Variants in PID1 observed in about 807,000 individuals in gnomAD.
PID1 encodes phosphotyrosine interaction domain containing 1, also known as PTB-containing, cubilin and LRP1-interacting protein.
In PID1, 10 loss-of-function variants were observed where a neutral mutation model predicts 19.1. The ratio of observed to expected loss-of-function variants is 0.52; its 90% CI spans 0.32 to 0.89. The LOEUF is 0.89. PID1 is among the 40% of genes least tolerant of loss of function. The pLI, the probability that PID1 is intolerant of heterozygous loss-of-function variation, is 0.03. For missense variants in PID1, 248 were observed against 285.3 expected (o/e 0.87, Z 0.94); for synonymous variants, 130 against 116.0 (o/e 1.12, Z -0.78).
At chr2:229,142,419 A>G (rs1439781857) in intron 2 of PID1, among the ~76,000 whole-genome samples, 3 of 152,192 alleles carry the variant, frequency 2.0e-5, no homozygotes, top group Non-Finnish European at 4.4e-5. Flanking sequence ...TAAATTGATC[A>G]TAATGGAAAA....
chr2:229,100,707 C>A (rs1695057445), intron 2 of PID1, among the ~76,000 whole-genome samples: 1 of 152,144 alleles, frequency 6.6e-6, no homozygotes, highest in South Asian at 2.1e-4. Flanking sequence ...TCACTAAAAT[C>A]CCTTGTGCTC....
chr2:229,226,189 C>A (rs73998596), intron 1 of PID1, among the ~76,000 whole-genome samples: 5,333 of 152,252 alleles, frequency 0.035, 272 homozygotes, highest in African/African-American at 0.12. Context: ...GGTGAGCCAA[C>A]CCTTCAGGGT....
chr2:229,090,393 A>C (rs1392364804), intron 2 of PID1, among the ~76,000 whole-genome samples: 1 of 152,200 alleles, frequency 6.6e-6, no homozygotes, highest in Non-Finnish European at 1.5e-5. Flanking sequence ...CACTGATGAA[A>C]GTCATGGCAG....
chr2:229,216,735 C>T (rs138580100), intron 1 of PID1, among the ~76,000 whole-genome samples: 131 of 152,142 alleles, frequency 8.6e-4, no homozygotes, highest in African/African-American at 2.9e-3. Context: ...AAACCAAGAA[C>T]GTGGTATGCC....
chr2:229,189,365 G>A (rs1465322089), intron 1 of PID1, among the ~76,000 whole-genome samples: 2 of 152,182 alleles, frequency 1.3e-5, no homozygotes, highest in Non-Finnish European at 2.9e-5. Flanking sequence ...TGTCAAGCAT[G>A]GTGCTTGGCA....
intron 1 of PID1, among the ~76,000 whole-genome samples, chr2:229,209,669 C>A (rs1471685708): frequency 6.6e-6 from 1 of 152,194 alleles, no homozygotes. Flanking sequence ...ATTACTGCAA[C>A]CTAGCCTGGA....
At chr2:229,032,818 A>G (rs886234503) in intron 2 of PID1, among the ~76,000 whole-genome samples, 4 of 152,212 alleles carry the variant, frequency 2.6e-5, no homozygotes, top group African/African-American at 4.8e-5. Context: ...CAGTGTGTGT[A>G]AATGGACCTG....
At chr2:229,118,782 AAAAG>A (rs1695460077) in intron 2 of PID1, among the ~76,000 whole-genome samples, 1 of 152,196 alleles carries the variant, frequency 6.6e-6, no homozygotes, top group Admixed American at 6.5e-5. Flanking sequence ...AATCCTGCCT[AAAAG>A]GGCAGGATCT....
chr2:229,162,223 C>T (rs754202385), intron 1 of PID1, among the ~76,000 whole-genome samples: 11 of 152,182 alleles, frequency 7.2e-5, no homozygotes, highest in East Asian at 1.9e-4. Flanking sequence ...ATTATGCAGA[C>T]GGGGTAATCG....
chr2:229,204,671 C>T (rs560879983), intron 1 of PID1, among the ~76,000 whole-genome samples: 2 of 152,096 alleles, frequency 1.3e-5, no homozygotes, highest in South Asian at 2.1e-4. Context: ...TACTGTACAA[C>T]GGAATGATCA....
At chr2:229,177,604 A>C (rs1011738742) in intron 1 of PID1, among the ~76,000 whole-genome samples, 1 of 152,068 alleles carries the variant, frequency 6.6e-6, no homozygotes, top group Non-Finnish European at 1.5e-5. Flanking sequence ...TGAGTGACTT[A>C]TTTATTCATG....
At chr2:229,233,195 C>G (rs974251) in intron 1 of PID1, among the ~76,000 whole-genome samples, 79,076 of 151,936 alleles carry the variant, frequency 0.52, 21,225 homozygotes, top group African/African-American at 0.6. Context: ...GTTAAAATTG[C>G]CTTACGTCTT....
intron 2 of PID1, among the ~76,000 whole-genome samples, chr2:229,109,578 C>T (rs1695252721): frequency 6.6e-6 from 1 of 152,146 alleles, no homozygotes; most frequent in Non-Finnish European, 1.5e-5. Flanking sequence ...AGACCTCTGT[C>T]AATATAACCC....
chr2:229,070,829 C>A (rs1041545777), intron 2 of PID1, among the ~76,000 whole-genome samples: 1 of 152,216 alleles, frequency 6.6e-6, no homozygotes, highest in African/African-American at 2.4e-5. Context: ...GGAAAAAGCA[C>A]CAGGGCTTTC....
chr2:229,079,285 G>T (rs967261081), intron 2 of PID1, among the ~76,000 whole-genome samples: 2 of 152,104 alleles, frequency 1.3e-5, no homozygotes, highest in Non-Finnish European at 2.9e-5. Context: ...CTGCTATATG[G>T]TTTGTTTTAT....
intron 2 of PID1, among the ~76,000 whole-genome samples, chr2:229,120,038 T>C (rs1004587463): frequency 6.6e-6 from 1 of 152,194 alleles, no homozygotes; most frequent in Non-Finnish European, 1.5e-5. Flanking sequence ...CTCTTCTGGT[T>C]CTACAGGTCA....
chr2:229,268,821 G>A (rs1325176738), intron 1 of PID1, among the ~76,000 whole-genome samples: 4 of 151,834 alleles, frequency 2.6e-5, no homozygotes, highest in African/African-American at 9.7e-5. Flanking sequence ...CACGGTGAAA[G>A]GAAAAGAAAA....
chr2:229,047,665 C>T (rs1345243463), intron 2 of PID1, among the ~76,000 whole-genome samples: 1 of 152,100 alleles, frequency 6.6e-6, no homozygotes. Flanking sequence ...TCACAGTAGC[C>T]TTGGAAAATA....
chr2:229,269,760 T>C (rs1690686810), intron 1 of PID1, among the ~76,000 whole-genome samples: 1 of 152,178 alleles, frequency 6.6e-6, no homozygotes, highest in Non-Finnish European at 1.5e-5. Context: ...AGGTTGGTCA[T>C]CCACCTCCTC....
Sources: allele counts gnomAD v4.1 joint callset (sites outside exome capture counted in the v4.1 genomes callset), GRCh38; gene constraint gnomAD v4.1.1; transcripts MANE v1.5; gene names NCBI Gene and HGNC (gene_info 2026-07-23, HGNC 2026-07-21).